Variants in NFKBIZ observed in about 807,000 individuals in gnomAD.
NFKBIZ encodes the protein NF-kappa-B inhibitor zeta.
In NFKBIZ, 19 loss-of-function variants were observed where a neutral mutation model predicts 76.8. That is an observed-to-expected ratio of 0.25 (90% CI 0.17 to 0.36). The LOEUF is 0.36. NFKBIZ is among the 10% of genes least tolerant of loss of function. NFKBIZ has a pLI of 1.00. For synonymous variants in NFKBIZ, 368 were observed against 354.8 expected (o/e 1.04, Z -0.42); for missense variants, 829 against 910.9 (o/e 0.91, Z 1.16).
intron 11 of NFKBIZ, 28 bp downstream of exon 11, chr3:101,857,487 A>G: frequency 2.5e-6 from 4 of 1,612,356 alleles, no homozygotes; most frequent in African/African-American, 1.3e-5. Flanking sequence ...GAGAGGAAGT[A>G]TTTTTTGGCA....
In NFKBIZ at chr3:101,853,611, G is replaced by C; in HGVS notation, c.1085G>C (p.Ser362Thr). Reference sequence around the variant, plus strand: ...GCTAATCCCATGCAGACTTCCTCCAGTGTTCAGCAGCAAAATGATGCTCAC... The same window carrying C: ...GCTAATCCCATGCAGACTTCCTCCACTGTTCAGCAGCAAAATGATGCTCAC... ...NIANPMQTSSSVQQQNDAHLH... is the reference protein window; with the variant it reads ...NIANPMQTSSTVQQQNDAHLH... Residue 362 changes from serine (S) to threonine (T), a missense_variant, in exon 5 of 12, where the codon AGT (serine) becomes ACT (threonine). Around this residue, in one of 4 missense-constraint regions of NFKBIZ, gnomAD observed 371 missense variants for 332.3 expected, o/e 1.12. Transcript: ENST00000326172. The C allele has an allele frequency of 3.1e-6, 5 of 1,614,240 alleles. No homozygotes were observed. Among genetic ancestry groups the C allele is most frequent in the Non-Finnish European group, 4.2e-6 (5 of 1,180,058 alleles).
At chr3:101,830,480 C>G (rs1942633460) in intron 2 of NFKBIZ, among the ~76,000 whole-genome samples, 1 of 152,216 alleles carries the variant, frequency 6.6e-6, no homozygotes, top group Non-Finnish European at 1.5e-5. Context: ...TCCTCCCTCT[C>G]TCCCCCATCT....
chr3:101,855,947 G>A (rs575236833), intron 9 of NFKBIZ, 45 bp downstream of exon 9: 3 of 1,510,008 alleles, frequency 2.0e-6, no homozygotes, highest in Non-Finnish European at 2.7e-6. Context: ...GGAGAAACTG[G>A]TTATATAGCA....
At chr3:101,840,729 C>T (rs904943327) in intron 2 of NFKBIZ, among the ~76,000 whole-genome samples, 7 of 152,206 alleles carry the variant, frequency 4.6e-5, no homozygotes, top group Non-Finnish European at 8.8e-5. Flanking sequence ...GGATGTTCAA[C>T]TGTGTGACCT....
At chr3:101,844,543 T>C (rs1576810392), upstream of NFKBIZ, among the ~76,000 whole-genome samples, 1 of 152,380 alleles carries the variant, frequency 6.6e-6, no homozygotes, top group East Asian at 1.9e-4. Flanking sequence ...TTATTGTACA[T>C]TTTGAATGTT....
Position 101,855,475 on chromosome 3 carries a change from T to C in NFKBIZ, c.1654+17T>C. On this transcript the variant is annotated intron_variant, in intron 8 of 11. Coordinates refer to ENST00000326172, the MANE Select transcript of NFKBIZ (RefSeq NM_031419.4). ...ACTATGATGGTAAGCAACTGAAACT[T>C]TATTAGATTCAGAGCCACTTAGGGG... 6.2e-7 allele frequency: 1 copy of C among 1,607,290 alleles called. No homozygotes were observed. The highest frequency in any genetic ancestry group is 8.5e-7 in the Non-Finnish European group (1 of 1,173,808).
At chr3:101,834,335 T>C (rs573102746) in intron 2 of NFKBIZ, among the ~76,000 whole-genome samples, 2 of 151,734 alleles carry the variant, frequency 1.3e-5, no homozygotes, top group East Asian at 3.9e-4. Flanking sequence ...TCTCCTTCTC[T>C]TTCCTTCCTT....
intron 11 of NFKBIZ, among the ~76,000 whole-genome samples, chr3:101,858,951 ATAT>A (rs1458082692): frequency 2.0e-5 from 3 of 152,174 alleles, no homozygotes; most frequent in Non-Finnish European, 2.9e-5. Context: ...GATAAGTGAG[ATAT>A]TATAATATGC....
intron 1 of NFKBIZ, among the ~76,000 whole-genome samples, chr3:101,850,862 T>C (rs1942947282): frequency 6.6e-6 from 1 of 152,238 alleles, no homozygotes; most frequent in South Asian, 2.1e-4. Flanking sequence ...AGAAAGAATA[T>C]GTGTTTAGGA....
upstream of NFKBIZ, chr3:101,849,469 A>G (rs1382326850): frequency 5.1e-5 from 28 of 545,100 alleles, no homozygotes; most frequent in South Asian, 3.5e-4. Context: ...GAGGTCGGCG[A>G]GCGCTGCGGC....
In NFKBIZ at chr3:101,859,958, T is replaced by C. The variant is rs1943109589; in HGVS notation, c.*587T>C. The C allele has an allele frequency of 2.0e-5, 3 of 152,346 alleles. No homozygotes were observed. In the South Asian group the frequency reaches 6.2e-4, roughly 32 times the overall value. The allele number at this position is 152,346 out of a possible 1,614,324, so 9.4% of individuals were successfully genotyped here. A position where few individuals can be genotyped will look rare whatever the true frequency, so the allele number is the denominator to read the frequency against. ...TGTTAACATGGTCATATTTGAAATGTATAAGTCCATAAAATAGAAAAGAAC... is the reference window on the plus strand; with the variant it reads ...TGTTAACATGGTCATATTTGAAATGCATAAGTCCATAAAATAGAAAAGAAC... On this transcript the variant is annotated 3_prime_UTR_variant, in exon 12 of 12. Coordinates refer to ENST00000326172, the MANE Select transcript of NFKBIZ (RefSeq NM_031419.4).
chr3:101,846,405 CTG>C (rs1267389915), upstream of NFKBIZ, among the ~76,000 whole-genome samples: 2 of 152,202 alleles, frequency 1.3e-5, no homozygotes, highest in African/African-American at 4.8e-5. Context: ...GCGATATTAA[CTG>C]TTTTTGATGT....
At chr3:101,854,463 T>C in intron 5 of NFKBIZ, 115 bp from the exon 6 acceptor site, 1 of 639,968 alleles carries the variant, frequency 1.6e-6, no homozygotes, top group Non-Finnish European at 2.8e-6. Context: ...AATGTTTCAT[T>C]TGAGTGTACC....
rs1407474808 is a variant in NFKBIZ, at chr3:101,853,874, T to C, written c.1337+11T>C. ...TGCAGATGGTGACACGTGAGTATTC[T>C]TTTATCTCATGTTCTTAATTAGGTA... is the stretch of plus-strand genomic sequence containing the variant. On this transcript the variant is annotated intron_variant, in intron 5 of 11. Coordinates refer to ENST00000326172, the MANE Select transcript of NFKBIZ (RefSeq NM_031419.4). 6.2e-7 allele frequency: 1 copy of C among 1,606,512 alleles called. No homozygotes were observed. The highest frequency in any genetic ancestry group is 1.1e-5 in the South Asian group (1 of 90,348).
At chr3:101,849,325 C>A (rs1033844346), upstream of NFKBIZ, 2 of 261,722 alleles carry the variant, frequency 7.6e-6, no homozygotes, top group Admixed American at 1.1e-4. Flanking sequence ...TGGGCGGAGC[C>A]GGGCGGGCGG....
At chr3:101,835,559 A>G (rs1227927249) in intron 2 of NFKBIZ, among the ~76,000 whole-genome samples, 1 of 152,144 alleles carries the variant, frequency 6.6e-6, no homozygotes, top group African/African-American at 2.4e-5. Context: ...TGACTTGTAC[A>G]TGGCCGCCTT....
chr3:101,838,728 T>G (rs2107399439), intron 2 of NFKBIZ, among the ~76,000 whole-genome samples: 1 of 152,360 alleles, frequency 6.6e-6, no homozygotes, highest in East Asian at 1.9e-4. Context: ...AACTTTGTAT[T>G]AAATTTGCAT....
Position 101,853,671 on chromosome 3 carries a change from G to A in NFKBIZ, c.1145G>A (p.Cys382Tyr). The A allele has an allele frequency of 6.2e-7, 1 of 1,614,266 alleles. No homozygotes were observed. Among genetic ancestry groups the A allele is most frequent in the Non-Finnish European group, 8.5e-7 (1 of 1,180,048 alleles). The change falls in exon 5 of 12, where the codon TGT (cysteine) becomes TAT (tyrosine). Residue 382 changes from cysteine (C) to tyrosine (Y), a missense_variant. Physicochemically the swap from Cys to Tyr is radical, Grantham distance 194. This residue lies in a region of NFKBIZ where 371 missense variants were observed against 332.3 expected (regional missense o/e 1.12). Transcript: ENST00000326172. ...HSFSMMPSSA[C>Y]EAMVGHEMAS... ...TTCAGCATGATGCCCAGCAGCGCCT[G>A]TGAGGCCATGGTGGGGCACGAGATG...
chr3:101,855,058 A>G lies in NFKBIZ; in HGVS notation c.1444-4A>G. The G allele has an allele frequency of 1.9e-6, 3 of 1,599,648 alleles. No homozygotes were observed. Among genetic ancestry groups the G allele is most frequent in the Non-Finnish European group, 1.7e-6 (2 of 1,175,500 alleles). On this transcript the variant is annotated splice_polypyrimidine_tract_variant and splice_region_variant and intron_variant, in intron 6 of 11. Transcript: ENST00000326172. ...AATATCTTTTTTCCTCTGGATATCCACAGAGTGCCTTTCAGGTGGCAGTGG... is the reference window on the plus strand; with the variant it reads ...AATATCTTTTTTCCTCTGGATATCCGCAGAGTGCCTTTCAGGTGGCAGTGG...
Sources: allele counts gnomAD v4.1 joint callset (sites outside exome capture counted in the v4.1 genomes callset), GRCh38; gene constraint gnomAD v4.1.1; regional missense constraint gnomAD v4.1.1; transcripts MANE v1.5; gene names NCBI Gene and HGNC (gene_info 2026-07-23, HGNC 2026-07-21).